The following FAM53A variants were observed in gnomAD, a reference collection of about 807,000 sequenced individuals.
FAM53A encodes family with sequence similarity 53 member A.
Under a neutral mutation model 26.6 loss-of-function variants are expected in FAM53A, and 28 were observed. The observed-to-expected ratio is 1.05, with a 90% CI of 0.78 to 1.45. FAM53A has a LOEUF of 1.45. Ranked by LOEUF, FAM53A falls within the 40% of genes most tolerant of loss-of-function variation. The pLI is 0.00. For synonymous variants in FAM53A, 290 were observed against 253.1 expected (o/e 1.15, Z -1.38); for missense variants, 650 against 575.8 (o/e 1.13, Z -1.32).
At chr4:1,656,137 G>C (rs192513194) in intron 3 of FAM53A, among the ~76,000 whole-genome samples, 2 of 152,170 alleles carry the variant, frequency 1.3e-5, no homozygotes, top group East Asian at 3.9e-4. Context: ...TCTTAAAGCA[G>C]CTCAGGTCCC....
the FAM53A span, among the ~76,000 whole-genome samples, chr4:1,601,807 C>G: frequency 1.1e-4 from 12 of 105,446 alleles, 3 homozygotes; most frequent in South Asian, 2.9e-3. Context: ...GGCTGCCTGA[C>G]CCAAAGTGCC....
intron 4 of FAM53A, 104 bp downstream of exon 4, chr4:1,654,874 G>C (rs1577123171): frequency 7.1e-6 from 10 of 1,408,424 alleles, no homozygotes; most frequent in Non-Finnish European, 8.4e-6. Context: ...GAGAAGACCA[G>C]CCGGATGCTA....
At chr4:1,668,960 G>T in intron 1 of FAM53A, 55 bp from the exon 2 acceptor site, 1 of 517,058 alleles carries the variant, frequency 1.9e-6, no homozygotes, top group Non-Finnish European at 3.4e-6. Context: ...CCATTTTGTT[G>T]ATGTTTCTGC....
intron 4 of FAM53A, 53 bp downstream of exon 4, chr4:1,654,925 C>G: frequency 1.4e-6 from 2 of 1,470,828 alleles, no homozygotes; most frequent in Non-Finnish European, 1.8e-6. Flanking sequence ...ACCCCAGCAC[C>G]GCCCTGTCCA....
intron 1 of FAM53A, among the ~76,000 whole-genome samples, chr4:1,621,056 C>A (rs1577080920): frequency 6.7e-6 from 1 of 149,990 alleles, no homozygotes; most frequent in Non-Finnish European, 1.5e-5. Flanking sequence ...AAAGAAGGAA[C>A]ACAAAGAACA....
chr4:1,631,515 AAGGGCACACAGC>A (rs1229535996), intron 1 of FAM53A, among the ~76,000 whole-genome samples: 1 of 152,132 alleles, frequency 6.6e-6, no homozygotes, highest in Non-Finnish European at 1.5e-5. Context: ...CTCCTCAGGG[AAGGGCACACAGC>A]AGTCCCAGGG....
chr4:1,627,825 T>C (rs1715376533), intron 1 of FAM53A, among the ~76,000 whole-genome samples: 1 of 151,442 alleles, frequency 6.6e-6, no homozygotes, highest in Non-Finnish European at 1.5e-5. Context: ...CCTCCAGAGG[T>C]CATGCAGGGG....
downstream of FAM53A, among the ~76,000 whole-genome samples, chr4:1,616,597 A>T (rs1444526034): frequency 6.6e-6 from 1 of 152,242 alleles, no homozygotes; most frequent in Non-Finnish European, 1.5e-5. Context: ...AAGGCAAAAT[A>T]GTTTATTTGA....
the FAM53A span, among the ~76,000 whole-genome samples, chr4:1,578,771 A>C: frequency 8.3e-6 from 1 of 120,342 alleles, no homozygotes. Flanking sequence ...GAAGGGGCGG[A>C]GGAGGGGAGA....
At chr4:1,648,936 A>T (rs1389207556) in intron 4 of FAM53A, among the ~76,000 whole-genome samples, 2 of 152,186 alleles carry the variant, frequency 1.3e-5, no homozygotes, top group African/African-American at 4.8e-5. Context: ...AATATGGTGA[A>T]ACCCCATCTC....
the FAM53A span, among the ~76,000 whole-genome samples, chr4:1,608,087 T>G: frequency 2.9e-4 from 44 of 152,210 alleles, no homozygotes; most frequent in East Asian, 4.6e-3. Context: ...ATTCCAGCCT[T>G]GGTGACAGAG....
At chr4:1,668,581 C>A in intron 2 of FAM53A, 86 bp downstream of exon 2, 1 of 1,511,796 alleles carries the variant, frequency 6.6e-7, no homozygotes, top group South Asian at 1.2e-5. Context: ...AGAACTTAGC[C>A]CTCACCTCCA....
At chr4:1,675,223 G>C (rs548378072) in intron 1 of FAM53A, among the ~76,000 whole-genome samples, 1 of 152,154 alleles carries the variant, frequency 6.6e-6, no homozygotes, top group Non-Finnish European at 1.5e-5. Context: ...CCTGGCTCCC[G>C]CTGCCAGAAC....
chr4:1,639,121 CCAT>C (rs750569590), downstream of FAM53A, among the ~76,000 whole-genome samples: 3 of 152,152 alleles, frequency 2.0e-5, no homozygotes, highest in South Asian at 2.1e-4. Context: ...GACACCACCA[CCAT>C]GCCAGCCCCA....
At chr4:1,619,609 C>A (rs1328112619) in intron 1 of FAM53A, among the ~76,000 whole-genome samples, 1 of 152,210 alleles carries the variant, frequency 6.6e-6, no homozygotes, top group Non-Finnish European at 1.5e-5. Context: ...GGTCTTCACC[C>A]CCCGGCCTCC....
chr4:1,655,284 G>A lies in FAM53A; in HGVS notation c.576C>T (p.Gly192=), dbSNP rs528943260. ...PATPRPSSAS[G]GFVDSSEGSA... is the part of the protein sequence containing the mutation. ...TGCCCTCGCTGCTGTCCACGAAGCCGCCGCTGGCGGAGGACGGCCGGGGCG... is the reference window on the plus strand; with the variant it reads ...TGCCCTCGCTGCTGTCCACGAAGCCACCGCTGGCGGAGGACGGCCGGGGCG... The change falls in exon 4 of 5, where the codon GGC becomes GGT. Residue 192 remains glycine (G), a synonymous_variant. Transcript: ENST00000308132. The A allele has an allele frequency of 1.3e-4, 190 of 1,424,850 alleles. 2 individuals carry two copies. In the East Asian group the frequency reaches 2.6e-3, roughly 20 times the overall value. 88.3% of individuals were successfully genotyped at this position (1,424,850 alleles called of 1,614,324 possible). A position where few individuals can be genotyped will look rare whatever the true frequency, so the allele number is the denominator to read the frequency against.
At chr4:1,647,585 G>C (rs75124196) in intron 4 of FAM53A, among the ~76,000 whole-genome samples, 2 of 152,240 alleles carry the variant, frequency 1.3e-5, no homozygotes, top group Non-Finnish European at 2.9e-5. Flanking sequence ...ACACAGTTGC[G>C]CACGCAGACT....
the FAM53A span, among the ~76,000 whole-genome samples, chr4:1,608,562 GGGCCC>G: frequency 6.6e-6 from 1 of 152,186 alleles, no homozygotes; most frequent in Admixed American, 6.5e-5. Context: ...CCTGGTGGGA[GGGCCC>G]AGTGGGTGGG....
intron 1 of FAM53A, among the ~76,000 whole-genome samples, chr4:1,675,919 A>G (rs2109044182): frequency 6.6e-6 from 1 of 152,316 alleles, no homozygotes; most frequent in African/African-American, 2.4e-5. Context: ...CCCCCACCAC[A>G]GGCAGTGCCT....
Sources: gnomAD v4.1 joint callset for allele counts (sites outside exome capture counted in the v4.1 genomes callset) on GRCh38, gnomAD v4.1.1 for gene constraint, MANE v1.5 for transcripts, NCBI Gene and HGNC (gene_info 2026-07-23, HGNC 2026-07-21) for gene names.